The following EZR variants were observed in gnomAD, a reference collection of about 807,000 sequenced individuals.
EZR encodes the protein cytovillin 2.
Under a neutral mutation model 74.8 loss-of-function variants are expected in EZR, and 40 were observed. The observed-to-expected ratio is 0.53, with a 90% confidence interval of 0.42 to 0.70. The LOEUF (loss-of-function observed/expected upper bound fraction) is 0.70, where lower values mean the gene tolerates loss of function less well. Ranked by LOEUF, EZR falls within the 30% of genes least tolerant of loss-of-function variation. The pLI, the probability that EZR is intolerant of heterozygous loss-of-function variation, is 0.00. For synonymous variants in EZR, 341 were observed against 283.3 expected (o/e 1.20, Z -2.05); for missense variants, 678 against 755.8 (o/e 0.90, Z 1.21).
Position 158,793,443 on chromosome 6 carries a change from CTG to C in EZR, c.13-4074_13-4073del, listed in dbSNP as rs774274161. ...TCATACATAGGGCAGGCTCTACAATCTGTATCTTTACATAGAGATTGAAGAGA... is the reference window on the plus strand; with the variant it reads ...TCATACATAGGGCAGGCTCTACAATCTATCTTTACATAGAGATTGAAGAGA... On this transcript the variant is annotated intron_variant, in intron 2 of 13. Transcript: ENST00000367075. 1.4e-4 allele frequency among the ~76,000 whole-genome samples: 22 copies of C among 152,196 alleles called. No individual in the cohort carries two copies. In the South Asian group the frequency reaches 1.7e-3, roughly 11 times the overall value.
At chr6:158,818,370 C>A (rs1377217230) in intron 1 of EZR, 2 of 195,392 alleles carry the variant, frequency 1.0e-5, no homozygotes, top group African/African-American at 4.8e-5. Context: ...CGAGGAGGCG[C>A]CCGAGAGCGG....
intron 3 of EZR, among the ~76,000 whole-genome samples, chr6:158,788,694 G>T (rs1562498220): frequency 6.6e-6 from 1 of 151,568 alleles, no homozygotes; most frequent in African/African-American, 2.4e-5. Context: ...GCTGTTATTG[G>T]GGAAAAAAGT....
intron 7 of EZR, among the ~76,000 whole-genome samples, chr6:158,779,512 G>C (rs1791371003): frequency 6.6e-6 from 1 of 152,126 alleles, no homozygotes. Context: ...TAAGTGAAGG[G>C]TATATGGGAA....
At chr6:158,790,185 A>C (rs1025619432) in intron 2 of EZR, among the ~76,000 whole-genome samples, 1 of 152,004 alleles carries the variant, frequency 6.6e-6, no homozygotes, top group African/African-American at 2.4e-5. Flanking sequence ...AAAATAGTAG[A>C]AACTGGGCAA....
chr6:158,806,451 CCATT>C (rs1207575983), intron 2 of EZR, among the ~76,000 whole-genome samples: 1 of 151,564 alleles, frequency 6.6e-6, no homozygotes, highest in Non-Finnish European at 1.5e-5. Flanking sequence ...AGCTTCAACA[CCATT>C]CTTTCTTCTA....
intron 2 of EZR, among the ~76,000 whole-genome samples, chr6:158,792,285 C>CTT (rs35794764): frequency 2.8e-5 from 1 of 35,900 alleles, no homozygotes; most frequent in Non-Finnish European, 9.9e-5. Context: ...ATCATCTCAG[C>CTT]ACTGCAACCT....
At chr6:158,796,723 T>C (rs913304135) in intron 2 of EZR, among the ~76,000 whole-genome samples, 9 of 152,248 alleles carry the variant, frequency 5.9e-5, no homozygotes, top group African/African-American at 1.9e-4. Flanking sequence ...CTTCTTTAGC[T>C]GAAAGGCTGT....
intron 1 of EZR, among the ~76,000 whole-genome samples, chr6:158,818,577 C>T (rs1221894523): frequency 3.4e-5 from 5 of 147,916 alleles, no homozygotes; most frequent in African/African-American, 1.2e-4. Context: ...CCGGGGAACA[C>T]TCGGCCAGGA....
chr6:158,771,152 C>T, intron 9 of EZR, 92 bp downstream of exon 9: 1 of 1,504,372 alleles, frequency 6.6e-7, no homozygotes, highest in Non-Finnish European at 8.9e-7. Context: ...CACACTCTCC[C>T]CATCAGCTCC....
chr6:158,781,635 T>C (rs558606012), intron 7 of EZR, among the ~76,000 whole-genome samples: 2 of 152,278 alleles, frequency 1.3e-5, no homozygotes, highest in South Asian at 2.1e-4. Flanking sequence ...GCAGAGGCAG[T>C]TTCCCACATA....
At chr6:158,815,817 TAC>T (rs1443994283) in intron 2 of EZR, among the ~76,000 whole-genome samples, 5 of 152,224 alleles carry the variant, frequency 3.3e-5, no homozygotes, top group African/African-American at 9.6e-5. Context: ...TTATACAGAA[TAC>T]AGTCTTTCAA....
intron 2 of EZR, among the ~76,000 whole-genome samples, chr6:158,806,249 G>A (rs1187760302): frequency 6.6e-6 from 1 of 152,178 alleles, no homozygotes; most frequent in Non-Finnish European, 1.5e-5. Context: ...GCAGGGAATG[G>A]GGGACCTGCC....
intron 8 of EZR, among the ~76,000 whole-genome samples, chr6:158,775,941 C>T (rs1791264847): frequency 6.6e-6 from 1 of 152,234 alleles, no homozygotes; most frequent in South Asian, 2.1e-4. Context: ...CCTCTGACAA[C>T]AGAAGTGGGT....
At chr6:158,803,580 TACA>T (rs1777251041) in intron 2 of EZR, among the ~76,000 whole-genome samples, 1 of 18,166 alleles carries the variant, frequency 5.5e-5, no homozygotes, top group Admixed American at 5.7e-4. Context: ...TATATATATA[TACA>T]TATATATATA....
Position 158,767,512 on chromosome 6 carries a change from C to T in EZR, c.1345G>A (p.Ala449Thr). 1 of 1,572,230 alleles carries T rather than the reference C, an allele frequency of 6.4e-7. No homozygotes were observed. Among genetic ancestry groups the T allele is most frequent in the South Asian group, 1.2e-5 (1 of 85,834 alleles). The change falls in exon 13 of 14, where the codon GCC becomes ACC. Residue 449 changes from alanine to threonine, a missense_variant and splice_region_variant. By Grantham distance (58) the Ala-to-Thr change is moderately conservative. Coordinates refer to ENST00000367075, the MANE Select transcript of EZR (RefSeq NM_001111077.2). ...ACCAGGTCATCCTGGGCTTCTTTGG[C>T]CTTTGGAAAGCAAATTAATAAGAGG... is the stretch of plus-strand genomic sequence containing the variant. ...EDEVEEWQHR[A>T]KEAQDDLVKT...
intron 2 of EZR, among the ~76,000 whole-genome samples, chr6:158,804,715 G>C (rs1048889768): frequency 6.6e-6 from 1 of 151,870 alleles, no homozygotes; most frequent in African/African-American, 2.4e-5. Context: ...ATGCATGGTT[G>C]TCTCTGCAAA....
intron 5 of EZR, 118 bp downstream of exon 5, chr6:158,785,191 G>C (rs1791541081): frequency 1.6e-6 from 2 of 1,276,264 alleles, no homozygotes; most frequent in African/African-American, 3.0e-5. Flanking sequence ...CTAGCATGAA[G>C]GAGCACTTGA....
In EZR at chr6:158,779,801, C is replaced by T. The variant is rs543425553; in HGVS notation, c.699-3297G>A. On this transcript the variant is annotated intron_variant, in intron 7 of 13. Coordinates refer to ENST00000367075, the MANE Select transcript of EZR (RefSeq NM_001111077.2). ...GACCAGCCCAGGCTGGTCTTGAACT[C>T]CTGAGCTCAAGGGATCTACCTGTTT... Among the ~76,000 whole-genome samples, 3 of 152,208 alleles carry T rather than the reference C, an allele frequency of 2.0e-5. 1 individual carries two copies. In the South Asian group the frequency reaches 6.2e-4, roughly 32 times the overall value.
chr6:158,766,624 G>A lies in EZR; in HGVS notation c.*290C>T, dbSNP rs1423850640. On this transcript the variant is annotated 3_prime_UTR_variant, in exon 14 of 14. Coordinates refer to ENST00000367075, the MANE Select transcript of EZR (RefSeq NM_001111077.2). The stretch of plus-strand genomic sequence containing the variant: ...AGGCCAGCATGAAGTTTCTTACTCA[G>A]ACTTTACAGGCATTTTCCGTAATTC... The A allele has an allele frequency of 8.1e-6, 3 of 369,634 alleles. No individual in the cohort carries two copies. The highest frequency in any genetic ancestry group is 1.5e-5 in the Non-Finnish European group (3 of 205,628). The allele number at this position is 369,634 out of a possible 1,614,324, so 22.9% of individuals were successfully genotyped here. A position where few individuals can be genotyped will look rare whatever the true frequency, so the allele number is the denominator to read the frequency against.
Sources: gnomAD v4.1 joint callset for allele counts (sites outside exome capture counted in the v4.1 genomes callset) on GRCh38, gnomAD v4.1.1 for gene constraint, MANE v1.5 for transcripts, NCBI Gene and HGNC (gene_info 2026-07-23, HGNC 2026-07-21) for gene names.